TFAP2D: variants seen among roughly 807,000 people sequenced by gnomAD.
The protein encoded by TFAP2D is transcription factor AP-2-delta.
A neutral mutation model predicts 43.6 loss-of-function variants in TFAP2D; 9 were observed. The observed-to-expected ratio is 0.21, with a 90% CI of 0.12 to 0.36. The LOEUF is 0.36. Ranked by LOEUF, TFAP2D falls within the 10% of genes least tolerant of loss-of-function variation. TFAP2D has a pLI of 1.00. For missense variants in TFAP2D, 513 were observed against 561.4 expected (o/e 0.91, Z 0.87); for synonymous variants, 256 against 224.9 (o/e 1.14, Z -1.24).
At chr6:50,729,116 C>T in intron 4 of TFAP2D, 78 bp from the exon 5 acceptor site, 1 of 1,601,404 alleles carries the variant, frequency 6.2e-7, no homozygotes, top group Admixed American at 1.7e-5. Flanking sequence ...TAGTGTATTC[C>T]CCATGTGGTC....
At chr6:50,771,429 T>C (rs987451672) in intron 7 of TFAP2D, among the ~76,000 whole-genome samples, 2 of 152,198 alleles carry the variant, frequency 1.3e-5, no homozygotes, top group African/African-American at 2.4e-5. Flanking sequence ...TCCAGCTGGA[T>C]GGCCATATGC....
chr6:50,742,954 A>AACACACACACACAC (rs3060372), intron 5 of TFAP2D, among the ~76,000 whole-genome samples: 5,883 of 139,582 alleles, frequency 0.042, 192 homozygotes, highest in Non-Finnish European at 0.06. Context: ...ACGACTTTAA[A>AACACACACACACAC]ACACACACAC....
intron 5 of TFAP2D, among the ~76,000 whole-genome samples, chr6:50,732,415 C>G (rs1411666735): frequency 6.6e-6 from 1 of 152,000 alleles, no homozygotes; most frequent in Non-Finnish European, 1.5e-5. Context: ...TCTCAAACAT[C>G]CTAATGGCCC....
At chr6:50,730,707 T>C (rs1399710258) in intron 5 of TFAP2D, among the ~76,000 whole-genome samples, 1 of 151,966 alleles carries the variant, frequency 6.6e-6, no homozygotes, top group South Asian at 2.1e-4. Context: ...CACAGAAGAG[T>C]CAATTGAAAA....
intron 7 of TFAP2D, among the ~76,000 whole-genome samples, chr6:50,759,922 C>T (rs765655871): frequency 1.3e-5 from 2 of 152,006 alleles, no homozygotes; most frequent in Non-Finnish European, 2.9e-5. Flanking sequence ...GACAGAGATT[C>T]AGGGTAGTCA....
intron 7 of TFAP2D, among the ~76,000 whole-genome samples, chr6:50,762,862 CAGAG>C (rs910865054): frequency 6.6e-6 from 1 of 151,762 alleles, no homozygotes; most frequent in African/African-American, 2.4e-5. Context: ...CAGAGAGAGA[CAGAG>C]AGAGAGAAAG....
At chr6:50,717,882 A>G (rs1460680704) in intron 2 of TFAP2D, among the ~76,000 whole-genome samples, 1 of 152,336 alleles carries the variant, frequency 6.6e-6, no homozygotes, top group African/African-American at 2.4e-5. Context: ...TCCTTTTTAA[A>G]ACATTCATCA....
chr6:50,755,195 C>A (rs1337563426), intron 7 of TFAP2D, among the ~76,000 whole-genome samples: 4 of 151,792 alleles, frequency 2.6e-5, no homozygotes, highest in African/African-American at 9.7e-5. Flanking sequence ...TCATTTTAAA[C>A]AAAAGATACA....
chr6:50,749,321 T>C (rs1769167767), intron 6 of TFAP2D, among the ~76,000 whole-genome samples: 1 of 151,868 alleles, frequency 6.6e-6, no homozygotes. Context: ...AGGAACAAAG[T>C]TGATTTGTCA....
intron 5 of TFAP2D, among the ~76,000 whole-genome samples, chr6:50,734,983 C>G (rs553809374): frequency 3.9e-5 from 6 of 152,198 alleles, no homozygotes; most frequent in African/African-American, 1.2e-4. Context: ...TGTCTGAACT[C>G]ACTTCTACAC....
At chr6:50,726,756 C>A (rs1768813299) in intron 3 of TFAP2D, among the ~76,000 whole-genome samples, 1 of 151,944 alleles carries the variant, frequency 6.6e-6, no homozygotes, top group African/African-American at 2.4e-5. Context: ...TTTTGAAATG[C>A]ATTTTGCATC....
At chr6:50,739,587 C>T (rs1769009247) in intron 5 of TFAP2D, among the ~76,000 whole-genome samples, 1 of 152,076 alleles carries the variant, frequency 6.6e-6, no homozygotes, top group South Asian at 2.1e-4. Flanking sequence ...CAAGTATAGT[C>T]TATTTTATTA....
In TFAP2D at chr6:50,751,457, C is replaced by A. The variant is rs147715068; in HGVS notation, c.1139+133C>A. 2,435 of 608,530 alleles carry A rather than the reference C, an allele frequency of 4.0e-3. 37 individuals carry two copies. The highest frequency in any genetic ancestry group is 0.038 in the African/African-American group (2,030 of 52,944). The allele number at this position is 608,530 out of a possible 1,614,324, so 37.7% of individuals were successfully genotyped here. A position where few individuals can be genotyped will look rare whatever the true frequency, so the allele number is the denominator to read the frequency against. ...CCTAGTCCTTTCAGATGGGCTATAA[C>A]AAAATACCTTAGACTGGGTAATTTA... On this transcript the variant is annotated intron_variant, in intron 7 of 7. Coordinates refer to ENST00000008391, the MANE Select transcript of TFAP2D (RefSeq NM_172238.4).
chr6:50,752,936 C>A (rs1381312223), intron 7 of TFAP2D, among the ~76,000 whole-genome samples: 1 of 151,640 alleles, frequency 6.6e-6, no homozygotes, highest in African/African-American at 2.4e-5. Context: ...GGATAAGAGC[C>A]CCTTCATTAT....
At chr6:50,724,560 G>A (rs1768778326) in intron 3 of TFAP2D, among the ~76,000 whole-genome samples, 2 of 152,282 alleles carry the variant, frequency 1.3e-5, no homozygotes, top group South Asian at 2.1e-4. Flanking sequence ...TCTCGCCACA[G>A]CTGGGTGCGT....
At chr6:50,720,640 A>C (rs1017148876) in intron 3 of TFAP2D, among the ~76,000 whole-genome samples, 3 of 152,168 alleles carry the variant, frequency 2.0e-5, no homozygotes, top group African/African-American at 7.2e-5. Flanking sequence ...AAATAGGCCC[A>C]AGACTGATGA....
intron 7 of TFAP2D, among the ~76,000 whole-genome samples, chr6:50,768,078 T>G (rs1345464063): frequency 6.6e-6 from 1 of 152,206 alleles, no homozygotes; most frequent in East Asian, 1.9e-4. Context: ...CTGGTGAAAT[T>G]ATATGCAAAT....
chr6:50,739,834 A>G (rs1416006200), intron 5 of TFAP2D, among the ~76,000 whole-genome samples: 4 of 152,222 alleles, frequency 2.6e-5, no homozygotes, highest in African/African-American at 9.6e-5. Context: ...TGCTAAGTGC[A>G]GGATATTGAA....
chr6:50,745,900 G>A (rs1010016183), intron 6 of TFAP2D, among the ~76,000 whole-genome samples: 1 of 152,068 alleles, frequency 6.6e-6, no homozygotes, highest in Non-Finnish European at 1.5e-5. Context: ...CAATACAATA[G>A]GAAAGGGGGA....
Sources: allele counts gnomAD v4.1 joint callset (sites outside exome capture counted in the v4.1 genomes callset), GRCh38; gene constraint gnomAD v4.1.1; transcripts MANE v1.5; gene names NCBI Gene and HGNC (gene_info 2026-07-23, HGNC 2026-07-21).